The following ABCA8 variants were observed in gnomAD, a reference collection of about 807,000 sequenced individuals.
ABCA8 encodes the protein ABC-type organic anion transporter ABCA8.
Under a neutral mutation model 192.3 loss-of-function variants are expected in ABCA8, and 177 were observed. That is an observed-to-expected ratio of 0.92 (90% CI 0.81 to 1.04). The LOEUF (loss-of-function observed/expected upper bound fraction) is 1.04. Among genes scored for constraint, ABCA8 ranks in the 50% least tolerant of loss-of-function variants. ABCA8 has a pLI of 0.00. For missense variants in ABCA8, 1,915 were observed against 1,904.8 expected (o/e 1.01, Z -0.10); for synonymous variants, 642 against 690.2 (o/e 0.93, Z 1.09).
intron 21 of ABCA8, among the ~76,000 whole-genome samples, chr17:68,901,414 A>G (rs554756184): frequency 2.6e-5 from 4 of 152,318 alleles, no homozygotes; most frequent in African/African-American, 7.2e-5. Context: ...ATACAAATCA[A>G]AATCACAAGA....
chr17:68,877,568 C>G lies in ABCA8; in HGVS notation c.4150G>C (p.Ala1384Pro), dbSNP rs112112574. The change falls in exon 33 of 40, where the codon GCC becomes CCC. Residue 1384 changes from alanine (A) to proline (P), a missense_variant. Ala to Pro is a conservative substitution (Grantham distance 27, BLOSUM62 -1). Coordinates refer to ENST00000586539, the MANE Select transcript of ABCA8 (RefSeq NM_001288985.2). ...CCTTTCCTCAGCCCTTTCACGGCGGCGTACACCTCCAGGTGCTGCCTCACT... is the reference window on the plus strand; with the variant it reads ...CCTTTCCTCAGCCCTTTCACGGCGGGGTACACCTCCAGGTGCTGCCTCACT... ...LTVRQHLEVY[A>P]AVKGLRKGDA... 3 of 1,613,880 alleles carry G rather than the reference C, an allele frequency of 1.9e-6. No individual in the cohort carries two copies. Among genetic ancestry groups the G allele is most frequent in the African/African-American group, 1.3e-5 (1 of 74,884 alleles).
intron 6 of ABCA8, among the ~76,000 whole-genome samples, chr17:68,932,866 G>T (rs905326127): frequency 6.6e-6 from 1 of 152,180 alleles, no homozygotes; most frequent in Non-Finnish European, 1.5e-5. Context: ...GGCATTCTAA[G>T]GCTGAGAGGT....
rs541893105 is a variant in ABCA8 at position 68,947,423 on chromosome 17, A to G, written c.-6+1889T>C. Among the ~76,000 whole-genome samples, 16 of 152,330 alleles carry G rather than the reference A, an allele frequency of 1.1e-4. No homozygotes were observed. In the East Asian group the frequency reaches 3.1e-3, roughly 29 times the overall value. ...GTACTATAATTTAATTGTTTATACA[A>G]TGTGCTTGTCTGCTTTTAGCCTCAG... On this transcript the variant is annotated intron_variant, in intron 2 of 39. Coordinates refer to ENST00000586539, the MANE Select transcript of ABCA8 (RefSeq NM_001288985.2).
At chr17:68,886,335 A>G (rs2066460242) in intron 26 of ABCA8, among the ~76,000 whole-genome samples, 2 of 152,074 alleles carry the variant, frequency 1.3e-5, no homozygotes, top group African/African-American at 4.8e-5. Flanking sequence ...TTTTTTGTCT[A>G]TATCTAGGAG....
chr17:68,899,253 T>C (rs2066843924), intron 21 of ABCA8, among the ~76,000 whole-genome samples: 1 of 152,154 alleles, frequency 6.6e-6, no homozygotes, highest in Admixed American at 6.5e-5. Flanking sequence ...AAAAATATGA[T>C]TTGTGAATAA....
In ABCA8 at chr17:68,873,067, C is replaced by T. The variant is rs529098693; in HGVS notation, c.4631+2193G>A. ...CATGTACAGTAATGTCCCAGGCCTTCGCATTCACTCACCACTGTCTCACCA... is the reference window on the plus strand; with the variant it reads ...CATGTACAGTAATGTCCCAGGCCTTTGCATTCACTCACCACTGTCTCACCA... On this transcript the variant is annotated intron_variant, in intron 37 of 39. Transcript: ENST00000586539. Among the ~76,000 whole-genome samples, 179 of 152,290 alleles carry T rather than the reference C, an allele frequency of 1.2e-3. 2 individuals carry two copies. The highest frequency in any genetic ancestry group is 3.9e-3 in the African/African-American group (162 of 41,558).
At position 68,914,563 on chromosome 17, in the gene ABCA8, A is replaced by T. The variant is rs79893847; in HGVS notation, c.2138+2798T>A. 5.5e-3 allele frequency among the ~76,000 whole-genome samples: 830 copies of T among 152,280 alleles called. 7 individuals carry two copies. The highest frequency in any genetic ancestry group is 0.019 in the African/African-American group (776 of 41,566). The stretch of plus-strand genomic sequence containing the variant: ...ATTGACAATAGCTACAAATAAAATA[A>T]GATACCTAGTGATAAACTTAACCAA... On this transcript the variant is annotated intron_variant, in intron 17 of 39. Transcript: ENST00000586539.
chr17:68,908,458 T>C (rs1054097520), intron 17 of ABCA8, among the ~76,000 whole-genome samples: 3 of 152,212 alleles, frequency 2.0e-5, no homozygotes, highest in Non-Finnish European at 2.9e-5. Flanking sequence ...ATTCTGCTCT[T>C]ATGGAGTTCA....
intron 2 of ABCA8, among the ~76,000 whole-genome samples, chr17:68,947,146 T>C (rs1220250734): frequency 1.3e-5 from 2 of 152,236 alleles, no homozygotes; most frequent in Non-Finnish European, 2.9e-5. Context: ...GCATTAAATT[T>C]ATTGATTCAT....
intron 24 of ABCA8, among the ~76,000 whole-genome samples, chr17:68,887,934 GATATATATATTATATATATGGAT>G (rs2066527415): frequency 1.7e-5 from 1 of 57,732 alleles, no homozygotes; most frequent in Admixed American, 2.1e-4. Context: ...ATTATATATG[GATATATATATTATATATATGGAT>G]ATATATACAC....
intron 33 of ABCA8, 49 bp from the exon 34 acceptor site, chr17:68,876,752 A>G (rs1192137825): frequency 1.2e-6 from 2 of 1,610,542 alleles, no homozygotes; most frequent in African/African-American, 1.3e-5. Context: ...GAGGAAATAG[A>G]TAAGAGGATA....
intron 38 of ABCA8, 48 bp from the exon 39 acceptor site, chr17:68,868,404 G>T (rs780393199): frequency 1.3e-6 from 2 of 1,507,392 alleles, no homozygotes; most frequent in Non-Finnish European, 1.8e-6. Context: ...ATATCTAGAG[G>T]TCTCATAAAT....
intron 2 of ABCA8, among the ~76,000 whole-genome samples, chr17:68,946,050 AAATT>A (rs34544091): frequency 0.06 from 8,972 of 148,860 alleles, 410 homozygotes; most frequent in East Asian, 0.23. Context: ...CTTTTTACCA[AAATT>A]AATTAATTAA....
chr17:68,930,737 T>C (rs1176468026), intron 7 of ABCA8, among the ~76,000 whole-genome samples: 2 of 152,156 alleles, frequency 1.3e-5, no homozygotes, highest in Non-Finnish European at 2.9e-5. Context: ...AGTCTTTAGA[T>C]TTCACTGCTC....
At chr17:68,920,092 C>T in intron 13 of ABCA8, 1 of 152,166 alleles carries the variant, frequency 6.6e-6, no homozygotes, top group South Asian at 2.1e-4. Flanking sequence ...GAGATCATAT[C>T]TTTTGTGGGA....
intron 24 of ABCA8, among the ~76,000 whole-genome samples, chr17:68,887,907 T>TATATAC (rs1567830480): frequency 1.8e-5 from 1 of 56,010 alleles, no homozygotes. Flanking sequence ...TATATATATA[T>TATATAC]CCATATATAT....
rs932611691 is a variant in ABCA8, at chr17:68,907,861, T to C, written c.2157A>G (p.Ile719Met). Residue 719 changes from isoleucine (I) to methionine (M), a missense_variant, in exon 18 of 40, where the codon ATA becomes ATG. Transcript: ENST00000586539. Reference sequence around the variant, plus strand: ...GTGATGTTATGTTTTCCTCAACACATATTTCATTTAACTGCAAGCTGGCAT... The same window carrying C: ...GTGATGTTATGTTTTCCTCAACACACATTTCATTTAACTGCAAGCTGGCAT... ...GYHLSLQLNE[I>M]CVEENITSLV... 1 of 1,578,970 alleles carries C rather than the reference T, an allele frequency of 6.3e-7. No individual in the cohort carries two copies. The highest frequency in any genetic ancestry group is 1.4e-5 in the African/African-American group (1 of 72,220).
At position 68,885,183 on chromosome 17, in the gene ABCA8, TGTCATTACTTA is replaced by T; in HGVS notation, c.3549+2_3549+12del. ...AGTTTCAAGGGACTGGGACAGACTGTGTCATTACTTACATGAGAAGATAAGAACAAACAGCC... is the reference window on the plus strand; with the variant it reads ...AGTTTCAAGGGACTGGGACAGACTGTCATGAGAAGATAAGAACAAACAGCC... On this transcript the variant is annotated splice_donor_variant and splice_donor_5th_base_variant and intron_variant, in intron 27 of 39. Transcript: ENST00000586539. LOFTEE classifies it high-confidence loss of function. The T allele has an allele frequency of 6.2e-7, 1 of 1,610,272 alleles. No individual in the cohort carries two copies. Among genetic ancestry groups the T allele is most frequent in the Non-Finnish European group, 8.5e-7 (1 of 1,178,284 alleles).
At chr17:68,921,937 A>G (rs2067543244) in intron 12 of ABCA8, among the ~76,000 whole-genome samples, 1 of 152,196 alleles carries the variant, frequency 6.6e-6, no homozygotes, top group East Asian at 1.9e-4. Context: ...TTGAGTTTGT[A>G]GAAAAAAAAA....
Sources: gnomAD v4.1 joint callset for allele counts (sites outside exome capture counted in the v4.1 genomes callset) on GRCh38, gnomAD v4.1.1 for gene constraint, MANE v1.5 for transcripts, NCBI Gene and HGNC (gene_info 2026-07-23, HGNC 2026-07-21) for gene names.